Variants in DMD observed in about 807,000 individuals in gnomAD.
DMD encodes the protein dystrophin, also known as mutant dystrophin.
In DMD, 63 loss-of-function variants were observed where a neutral mutation model predicts 330.1. That is an observed-to-expected ratio of 0.19 (90% CI 0.16 to 0.24). The LOEUF is 0.24. Ranked by LOEUF, DMD falls within the 10% of genes least tolerant of loss-of-function variation. DMD has a pLI of 1.00. For missense variants in DMD, 3,344 were observed against 2,684.1 expected (o/e 1.25, Z -5.43); for synonymous variants, 1,223 against 959.8 (o/e 1.27, Z -5.07).
intron 63 of DMD, among the ~76,000 whole-genome samples, chrX:31,252,519 C>T (rs1167718960): frequency 2.7e-5 from 3 of 111,351 alleles, no homozygotes; most frequent in South Asian, 3.8e-4. Flanking sequence ...CCCCATCCAC[C>T]GGTATGGTAG....
intron 7 of DMD, among the ~76,000 whole-genome samples, chrX:32,707,271 G>A (rs759757480): frequency 1.9e-4 from 21 of 112,053 alleles, no homozygotes; most frequent in African/African-American, 6.2e-4. Context: ...AGGAAGTTAC[G>A]AATAAATAAT....
chrX:33,023,840 A>C (rs1490224515), intron 1 of DMD, among the ~76,000 whole-genome samples: 1 of 111,278 alleles, frequency 9.0e-6, no homozygotes, highest in Non-Finnish European at 1.9e-5. Context: ...GAGTTCACTG[A>C]CCTCCTTGCA....
At chrX:32,224,754 G>A (rs998010994) in intron 43 of DMD, among the ~76,000 whole-genome samples, 1 of 111,382 alleles carries the variant, frequency 9.0e-6, no homozygotes, top group Non-Finnish European at 1.9e-5. Context: ...TCCCTAGGTT[G>A]TGAGCCTTGT....
intron 45 of DMD, among the ~76,000 whole-genome samples, chrX:31,960,975 T>C (rs1319690616): frequency 1.8e-5 from 2 of 111,724 alleles, no homozygotes; most frequent in African/African-American, 6.5e-5. Context: ...TAAAACATCT[T>C]GTGGCTATAT....
In DMD at chrX:33,202,338, G is replaced by C. The variant is rs777207166; in HGVS notation, c.31+8944C>G. ...AAAATCCTGACTCTACCACGTACCA[G>C]CTGAGCTACCTTAAGCAAATTACTT... On this transcript the variant is annotated intron_variant, in intron 1 of 78. Transcript: ENST00000357033. Among the ~76,000 whole-genome samples the C allele has an allele frequency of 1.9e-4, 21 of 111,507 alleles. No individual in the cohort carries two copies. The South Asian group carries it at 7.9e-3, about 42-fold the overall frequency.
rs2086791928 is a variant in DMD at position 31,735,331 on chromosome X, C to G, written c.7543-5583G>C. Among the ~76,000 whole-genome samples the G allele has an allele frequency of 2.7e-5, 3 of 111,228 alleles. No individual in the cohort carries two copies. In the Admixed American group the frequency reaches 2.9e-4, roughly 11 times the overall value. ...GATATTTCCACTAATAAAATATTGT[C>G]CCATTTTATCCTGTCTGGGTACATA... is the stretch of plus-strand genomic sequence containing the variant. On this transcript the variant is annotated intron_variant, in intron 51 of 78. Transcript: ENST00000357033.
At chrX:31,794,563 T>C (rs1185380661) in intron 50 of DMD, among the ~76,000 whole-genome samples, 1 of 112,147 alleles carries the variant, frequency 8.9e-6, no homozygotes, top group African/African-American at 3.2e-5. Context: ...ATTTTCATTG[T>C]TCATGGTTTC....
intron 41 of DMD, among the ~76,000 whole-genome samples, chrX:32,328,126 A>G: frequency 9.0e-6 from 1 of 111,593 alleles, no homozygotes; most frequent in East Asian, 2.8e-4. Flanking sequence ...AAGCATGCAT[A>G]ATAACATTAA....
chrX:31,834,502 C>T (rs1164951023), intron 49 of DMD, among the ~76,000 whole-genome samples: 4 of 111,698 alleles, frequency 3.6e-5, no homozygotes, highest in African/African-American at 9.8e-5. Context: ...TGCAACAGCG[C>T]GATCTCGGCT....
intron 44 of DMD, among the ~76,000 whole-genome samples, chrX:32,179,188 T>C (rs1037295066): frequency 2.7e-5 from 3 of 111,391 alleles, no homozygotes; most frequent in Non-Finnish European, 5.7e-5. Context: ...TTTTACTTTG[T>C]AAGTTCTTTT....
At chrX:31,224,095 G>A (rs1395425583) in intron 63 of DMD, among the ~76,000 whole-genome samples, 1 of 111,544 alleles carries the variant, frequency 9.0e-6, no homozygotes, top group East Asian at 2.8e-4. Context: ...TTTATTTCAG[G>A]AACTCAGCTC....
At chrX:31,382,495 A>G (rs770132305) in intron 60 of DMD, among the ~76,000 whole-genome samples, 9 of 111,590 alleles carry the variant, frequency 8.1e-5, no homozygotes, top group African/African-American at 2.3e-4. Flanking sequence ...GCTATCCCCA[A>G]ACCACCACTC....
intron 1 of DMD, among the ~76,000 whole-genome samples, chrX:33,287,269 C>T (rs1364906247): frequency 9.0e-6 from 1 of 110,956 alleles, no homozygotes; most frequent in Non-Finnish European, 1.9e-5. Context: ...GCACTTTTAA[C>T]GTTTTGGACT....
intron 46 of DMD, 54 bp from the exon 47 acceptor site, chrX:31,929,799 T>C (rs2094830296): frequency 8.4e-7 from 1 of 1,187,937 alleles, no homozygotes; most frequent in East Asian, 3.0e-5. Context: ...CAATTCCAAC[T>C]ACCTTGTCTT....
intron 53 of DMD, among the ~76,000 whole-genome samples, chrX:31,668,106 A>G (rs1407984004): frequency 8.9e-6 from 1 of 112,040 alleles, no homozygotes; most frequent in Non-Finnish European, 1.9e-5. Context: ...CTTCACTTGT[A>G]ATTAAGTCAT....
At chrX:32,620,357 A>G (rs1303416757) in intron 11 of DMD, among the ~76,000 whole-genome samples, 1 of 111,792 alleles carries the variant, frequency 8.9e-6, no homozygotes, top group African/African-American at 3.2e-5. Context: ...ATGGCTCCAT[A>G]GCTGGTCCGA....
chrX:32,972,321 G>A (rs1469694201), intron 2 of DMD, among the ~76,000 whole-genome samples: 3 of 107,579 alleles, frequency 2.8e-5, no homozygotes, highest in East Asian at 5.9e-4. Flanking sequence ...GGGAATACAG[G>A]CATGCACCAC....
At chrX:31,805,134 G>T (rs758929634) in intron 50 of DMD, among the ~76,000 whole-genome samples, 1 of 111,584 alleles carries the variant, frequency 9.0e-6, no homozygotes, top group East Asian at 2.8e-4. Context: ...AGTTAAAGAA[G>T]GAACTGCACC....
chrX:31,138,672 A>AGG lies in DMD; in HGVS notation c.10922-4479_10922-4478insCC, dbSNP rs2035618838. Reference sequence around the variant, plus strand: ...GAGAGAGAGAGAGAGAGAGAGAGAGAGAGAGAGAGAGAGAGAAGGGGGAAG... The same window carrying AGG: ...GAGAGAGAGAGAGAGAGAGAGAGAGAGGGAGAGAGAGAGAGAGAAGGGGGAAG... On this transcript the variant is annotated intron_variant, in intron 76 of 78. Transcript: ENST00000357033. 3.5e-3 allele frequency among the ~76,000 whole-genome samples: 92 copies of AGG among 26,353 alleles called. 4 individuals are homozygous for AGG. In the East Asian group the frequency reaches 0.058, roughly 17 times the overall value. The allele number at this position is 26,353 out of a possible 115,157, so 22.9% of individuals were successfully genotyped here.
Sources: gnomAD v4.1 joint callset for allele counts (sites outside exome capture counted in the v4.1 genomes callset) on GRCh38, gnomAD v4.1.1 for gene constraint, MANE v1.5 for transcripts, NCBI Gene and HGNC (gene_info 2026-07-23, HGNC 2026-07-21) for gene names.